The following HHIPL2 variants were observed in gnomAD, a reference collection of about 807,000 sequenced individuals.
HHIPL2 encodes HHIP-like protein 2.
A neutral mutation model predicts 61.0 loss-of-function variants in HHIPL2; 61 were observed. That is an observed-to-expected ratio of 1.00 (90% CI 0.81 to 1.24). HHIPL2 has a LOEUF of 1.24. Among genes scored for constraint, HHIPL2 ranks in the 50% most tolerant of loss-of-function variants. The pLI, the probability that HHIPL2 is intolerant of heterozygous loss-of-function variation, is 0.00. For synonymous variants in HHIPL2, 343 were observed against 357.4 expected (o/e 0.96, Z 0.45); for missense variants, 885 against 910.2 (o/e 0.97, Z 0.36).
chr1:222,538,246 G>GTGTGTGTA (rs1196912536), intron 5 of HHIPL2, among the ~76,000 whole-genome samples: 2 of 125,740 alleles, frequency 1.6e-5, no homozygotes, highest in Admixed American at 8.1e-5. Flanking sequence ...GTGTGTGTGT[G>GTGTGTGTA]TGTATGTATG....
chr1:222,529,445 C>G (rs1282866673), intron 6 of HHIPL2, among the ~76,000 whole-genome samples: 1 of 152,178 alleles, frequency 6.6e-6, no homozygotes, highest in Non-Finnish European at 1.5e-5. Context: ...CAAAGGCCTT[C>G]TCAGTCTAAA....
intron 3 of HHIPL2, 79 bp from the exon 4 acceptor site, chr1:222,540,420 C>T (rs897327420): frequency 3.6e-6 from 4 of 1,114,304 alleles, no homozygotes; most frequent in East Asian, 4.8e-5. Flanking sequence ...CCAGAAGGGC[C>T]GACTCATAGC....
chr1:222,530,583 A>T (rs1659165224), intron 6 of HHIPL2, among the ~76,000 whole-genome samples: 1 of 152,198 alleles, frequency 6.6e-6, no homozygotes, highest in Non-Finnish European at 1.5e-5. Context: ...GCTAGCTGAG[A>T]GGAAAGGGTC....
chr1:222,540,141 A>G lies in HHIPL2; in HGVS notation c.1319T>C (p.Ile440Thr). 1 of 1,614,264 alleles carries G rather than the reference A, an allele frequency of 6.2e-7. No individual in the cohort carries two copies. The highest frequency in any genetic ancestry group is 8.5e-7 in the Non-Finnish European group (1 of 1,180,042). The change falls in exon 4 of 9, where the codon ATA becomes ACA. Residue 440 changes from isoleucine (I) to threonine (T), a missense_variant. Physicochemically the swap from Ile to Thr is moderately conservative, Grantham distance 89. Coordinates refer to ENST00000343410, the MANE Select transcript of HHIPL2 (RefSeq NM_024746.4). Reference sequence around the variant, plus strand: ...GTTCTGGCCCACGTCCCCACAGAATATCCGGCCTCGGCCCTGGCGCGTGAT... The same window carrying G: ...GTTCTGGCCCACGTCCCCACAGAATGTCCGGCCTCGGCCCTGGCGCGTGAT... ...DPITRQGRGR[I>T]FCGDVGQNRF... is the part of the protein sequence containing the mutation.
At chr1:222,525,441 G>T (rs531750184) in intron 7 of HHIPL2, among the ~76,000 whole-genome samples, 1 of 151,942 alleles carries the variant, frequency 6.6e-6, no homozygotes, top group Admixed American at 6.6e-5. Context: ...ACATCACCCC[G>T]GGGAACAGCC....
At chr1:222,538,464 G>A (rs886962354) in intron 5 of HHIPL2, among the ~76,000 whole-genome samples, 184 bp downstream of exon 5, 8 of 151,020 alleles carry the variant, frequency 5.3e-5, no homozygotes, top group Non-Finnish European at 1.0e-4. Flanking sequence ...TAGACAAGAA[G>A]GAGCCTTCTA....
chr1:222,525,664 G>A (rs531794630), intron 7 of HHIPL2, among the ~76,000 whole-genome samples: 1 of 152,278 alleles, frequency 6.6e-6, no homozygotes, highest in Admixed American at 6.5e-5. Flanking sequence ...CTAATTCAGG[G>A]GGAGATTTTC....
intron 2 of HHIPL2, among the ~76,000 whole-genome samples, chr1:222,542,719 T>C (rs1357096470): frequency 6.6e-6 from 1 of 151,826 alleles, no homozygotes; most frequent in African/African-American, 2.4e-5. Flanking sequence ...GACAGGGTTT[T>C]TCCATATTGG....
At chr1:222,528,515 G>A (rs1320108224) in intron 6 of HHIPL2, among the ~76,000 whole-genome samples, 2 of 152,150 alleles carry the variant, frequency 1.3e-5, no homozygotes, top group Admixed American at 6.5e-5. Flanking sequence ...GCTGAGACAT[G>A]AGAATCACTT....
chr1:222,529,533 A>T (rs1659145609), intron 6 of HHIPL2, among the ~76,000 whole-genome samples: 1 of 152,212 alleles, frequency 6.6e-6, no homozygotes, highest in Admixed American at 6.5e-5. Flanking sequence ...TAGACTTCCC[A>T]TTGTATTTTT....
In HHIPL2 at chr1:222,548,101, G is replaced by T; in HGVS notation, c.-57C>A. ...TTGCTCAGGTTGGCTTCCCTGCTCTGCCCAAGGTCCTCCCTCTCTTCCTCC... is the reference window on the plus strand; with the variant it reads ...TTGCTCAGGTTGGCTTCCCTGCTCTTCCCAAGGTCCTCCCTCTCTTCCTCC... On this transcript the variant is annotated 5_prime_UTR_variant, in exon 1 of 9. Coordinates refer to ENST00000343410, the MANE Select transcript of HHIPL2 (RefSeq NM_024746.4). 8.1e-7 allele frequency: 1 copy of T among 1,240,716 alleles called. No individual in the cohort carries two copies. Among genetic ancestry groups the T allele is most frequent in the Non-Finnish European group, 1.1e-6 (1 of 892,032 alleles). The allele number at this position is 1,240,716 out of a possible 1,614,324, so 76.9% of individuals were successfully genotyped here.
At chr1:222,530,358 G>C (rs1336988294) in intron 6 of HHIPL2, among the ~76,000 whole-genome samples, 2 of 152,188 alleles carry the variant, frequency 1.3e-5, no homozygotes, top group Admixed American at 1.3e-4. Context: ...GTGTCCGGCA[G>C]AGGAGAGGCT....
rs367945498 is a variant in HHIPL2 at position 222,523,616 on chromosome 1, G to A, written c.1884C>T (p.Leu628=). ...TKSKRIPFRP[L]AKTVLDLLKE... is the part of the protein sequence containing the mutation. ...AAGACTCAAAGATGGACTCACTGGC[G>A]AGTGGTCTGAACGGGATCCGCTTAC... is the stretch of plus-strand genomic sequence containing the variant. Residue 628 remains leucine (L), a synonymous_variant, in exon 8 of 9, where the codon CTC becomes CTT. Transcript: ENST00000343410. 43 of 1,613,946 alleles carry A rather than the reference G, an allele frequency of 2.7e-5. No individual in the cohort carries two copies. Among genetic ancestry groups the A allele is most frequent in the East Asian group, 1.1e-4 (5 of 44,890 alleles).
chr1:222,538,057 C>T (rs1382447170), intron 5 of HHIPL2, among the ~76,000 whole-genome samples: 1 of 152,098 alleles, frequency 6.6e-6, no homozygotes, highest in African/African-American at 2.4e-5. Context: ...CATGGAACAA[C>T]ATTGATGAAT....
intron 2 of HHIPL2, among the ~76,000 whole-genome samples, chr1:222,543,210 A>G (rs1329420762): frequency 6.6e-6 from 1 of 152,246 alleles, no homozygotes; most frequent in Admixed American, 6.5e-5. Context: ...ATGGCACATA[A>G]TAATCAGAGG....
rs77256921 is a variant in HHIPL2 at position 222,527,227 on chromosome 1, G to A, written c.1724-177C>T. Among the ~76,000 whole-genome samples the A allele has an allele frequency of 9.2e-3, 1,394 of 152,304 alleles. 23 individuals carry two copies. Among genetic ancestry groups the A allele is most frequent in the African/African-American group, 0.031 (1,299 of 41,552 alleles). On this transcript the variant is annotated intron_variant, in intron 6 of 8. Transcript: ENST00000343410. The stretch of plus-strand genomic sequence containing the variant: ...TCTGCTGGGCTGTGAGCTCCTTGAG[G>A]AGAAAGTCCATCTTTGAACCCCCCA...
rs978326870 is a variant in HHIPL2, at chr1:222,543,519, C to G, written c.974+18G>C. 6.3e-7 allele frequency: 1 copy of G among 1,598,986 alleles called. No individual in the cohort carries two copies. The highest frequency in any genetic ancestry group is 8.5e-7 in the Non-Finnish European group (1 of 1,171,532). On this transcript the variant is annotated intron_variant, in intron 2 of 8. Transcript: ENST00000343410. ...TCGGAACACAGTACAGCTGTAGGCT[C>G]TCATGAGTACCTCTCACCTCTCTGA...
In HHIPL2 at chr1:222,543,903, C is replaced by T; in HGVS notation, c.608G>A (p.Gly203Asp). ...HLGMVAQDPQ[G>D]CLQLCLSEVA... ...CTCGCTCAGGCAGAGCTGCAGGCAG[C>T]CCTGAGGATCTTGGGCCACCATGCC... The change falls in exon 2 of 9, where the codon GGC (glycine) becomes GAC (aspartate). Residue 203 changes from glycine (G) to aspartate (D), a missense_variant. Gly to Asp is a moderately conservative substitution (Grantham distance 94, BLOSUM62 -1). Transcript: ENST00000343410. The T allele has an allele frequency of 6.2e-7, 1 of 1,614,202 alleles. No homozygotes were observed. Among genetic ancestry groups the T allele is most frequent in the Non-Finnish European group, 8.5e-7 (1 of 1,180,044 alleles).
Position 222,547,987 on chromosome 1 carries a change from G to A in HHIPL2, c.58C>T (p.Leu20Phe). Residue 20 changes from leucine to phenylalanine, a missense_variant, in exon 1 of 9, where the codon CTC becomes TTC. Coordinates refer to ENST00000343410, the MANE Select transcript of HHIPL2 (RefSeq NM_024746.4). ...CGGLHCRAPW[L>F]SSGILCLCLI... ...CAGAGGCAGAGAATGCCAGAAGAGAGCCAGGGGGCCCGGCAATGCAGACCA... is the reference window on the plus strand; with the variant it reads ...CAGAGGCAGAGAATGCCAGAAGAGAACCAGGGGGCCCGGCAATGCAGACCA... 1 of 1,608,738 alleles carries A rather than the reference G, an allele frequency of 6.2e-7. No individual in the cohort carries two copies. The highest frequency in any genetic ancestry group is 8.5e-7 in the Non-Finnish European group (1 of 1,176,446).
Sources: allele counts gnomAD v4.1 joint callset (sites outside exome capture counted in the v4.1 genomes callset), GRCh38; gene constraint gnomAD v4.1.1; transcripts MANE v1.5; gene names NCBI Gene and HGNC (gene_info 2026-07-23, HGNC 2026-07-21).